Variants in TLE4 observed in about 807,000 individuals in gnomAD.
TLE4 encodes TLE family member 4, transcriptional corepressor, also known as transducin-like enhancer protein 4.
TLE4 carries 8 observed loss-of-function variants against 92.8 expected under a neutral mutation model. That is an observed-to-expected ratio of 0.09 (90% CI 0.05 to 0.16). The LOEUF (loss-of-function observed/expected upper bound fraction) is 0.16. Among genes scored for constraint, TLE4 ranks in the 10% least tolerant of loss-of-function variants. The pLI, the probability that TLE4 is intolerant of heterozygous loss-of-function variation, is 1.00. For missense variants in TLE4, 675 were observed against 997.6 expected, an observed-to-expected ratio of 0.68 and a Z score of 4.36; for synonymous variants, 371 against 374.1, an observed-to-expected ratio of 0.99 and a Z score of 0.10.
At chr9:79,676,818 T>C (rs2063342789) in intron 8 of TLE4, among the ~76,000 whole-genome samples, 2 of 152,176 alleles carry the variant, frequency 1.3e-5, no homozygotes, top group Non-Finnish European at 2.9e-5. Flanking sequence ...CAGAGCTTTA[T>C]TATTTTAAAA....
At chr9:79,656,882 C>A (rs570450597) in intron 8 of TLE4, among the ~76,000 whole-genome samples, 3 of 152,214 alleles carry the variant, frequency 2.0e-5, no homozygotes, top group African/African-American at 7.2e-5. Context: ...ACATGTTGGG[C>A]CTTTTTTTTC....
intron 5 of TLE4, among the ~76,000 whole-genome samples, chr9:79,620,077 C>T (rs566800187): frequency 6.6e-6 from 1 of 152,166 alleles, no homozygotes; most frequent in South Asian, 2.1e-4. Context: ...AAATGTGGGT[C>T]TCTATCCAAA....
chr9:79,703,936 T>G (rs1400159863), intron 8 of TLE4, among the ~76,000 whole-genome samples: 1 of 151,786 alleles, frequency 6.6e-6, no homozygotes, highest in Non-Finnish European at 1.5e-5. Context: ...TTTCCCCCCT[T>G]TTTTTTTCAT....
intron 4 of TLE4, among the ~76,000 whole-genome samples, chr9:79,595,621 T>C (rs1031949593): frequency 2.0e-5 from 3 of 151,976 alleles, no homozygotes; most frequent in African/African-American, 7.3e-5. Flanking sequence ...AAAAAGTAAA[T>C]TTAAAGGCAA....
chr9:79,581,437 CT>C (rs1422192603), intron 4 of TLE4, among the ~76,000 whole-genome samples: 1 of 152,112 alleles, frequency 6.6e-6, no homozygotes, highest in African/African-American at 2.4e-5. Context: ...ATGATGGATT[CT>C]TTTGTCTTTC....
chr9:79,708,289 G>A (rs767842683), intron 12 of TLE4, 39 bp downstream of exon 12: 10 of 1,604,134 alleles, frequency 6.2e-6, no homozygotes, highest in Admixed American at 1.7e-5. Flanking sequence ...TTTTATGCTC[G>A]TTTTTAAGAA....
Position 79,654,227 on chromosome 9 carries a change from T to TGTTTTTCAGG in TLE4, c.609+152_609+153insGTTTTTCAGG, listed in dbSNP as rs2059433356. 4.2e-6 allele frequency: 3 copies of TGTTTTTCAGG among 719,346 alleles called. No homozygotes were observed. In the Admixed American group the frequency reaches 1.1e-4, roughly 26 times the overall value. The allele number at this position is 719,346 out of a possible 1,614,324, so 44.6% of individuals were successfully genotyped here. A position where few individuals can be genotyped will look rare whatever the true frequency, so the allele number is the denominator to read the frequency against. ...TTTAAAATTACTTTCAGGTGTGTGG[T>TGTTTTTCAGG]TGATTTTTTTTTTTTTTTTTTAAAG... On this transcript the variant is annotated intron_variant, in intron 8 of 19. Coordinates refer to ENST00000376552, the MANE Select transcript of TLE4 (RefSeq NM_007005.6).
chr9:79,576,088 G>A (rs759721529), intron 3 of TLE4, 45 bp from the exon 4 acceptor site: 1 of 1,375,102 alleles, frequency 7.3e-7, no homozygotes, highest in South Asian at 1.7e-5. Context: ...TAGGGAGATT[G>A]TTTGATGAAA....
intron 8 of TLE4, among the ~76,000 whole-genome samples, chr9:79,683,290 G>A (rs976981028): frequency 7.2e-4 from 109 of 152,274 alleles, no homozygotes; most frequent in African/African-American, 2.5e-3. Flanking sequence ...AGGGCTCATA[G>A]TTACTTTTTT....
rs539325094 is a variant in TLE4 at position 79,687,868 on chromosome 9, G to A, written c.610-16915G>A. 3.3e-5 allele frequency among the ~76,000 whole-genome samples: 5 copies of A among 152,334 alleles called. No individual in the cohort carries two copies. In the South Asian group the frequency reaches 1.0e-3, roughly 32 times the overall value. ...TGTTCAAAGTGAAGAGGTTGAGGTA[G>A]ACAAGTGCTTCTCAAACTTTTAATG... On this transcript the variant is annotated intron_variant, in intron 8 of 19. Coordinates refer to ENST00000376552, the MANE Select transcript of TLE4 (RefSeq NM_007005.6).
intron 19 of TLE4, 141 bp from the exon 20 acceptor site, chr9:79,724,896 C>A: frequency 8.0e-6 from 3 of 373,976 alleles, no homozygotes; most frequent in East Asian, 1.7e-4. Flanking sequence ...CAGTACTGTC[C>A]ATGACCACCT....
At chr9:79,665,967 C>A (rs570265381) in intron 8 of TLE4, among the ~76,000 whole-genome samples, 45 of 152,236 alleles carry the variant, frequency 3.0e-4, no homozygotes, top group African/African-American at 1.1e-3. Flanking sequence ...AAGTAAAATT[C>A]TCAAATTTTA....
intron 5 of TLE4, among the ~76,000 whole-genome samples, chr9:79,621,862 T>C (rs944251532): frequency 4.6e-5 from 7 of 152,242 alleles, no homozygotes; most frequent in Non-Finnish European, 1.0e-4. Context: ...ATGTGGCTAA[T>C]GGCTTCTATT....
At chr9:79,631,678 A>G (rs12376461) in intron 6 of TLE4, among the ~76,000 whole-genome samples, 2,386 of 116,530 alleles carry the variant, frequency 0.02, 42 homozygotes, top group Admixed American at 0.045. Context: ...TACATTGACA[A>G]CGTGGTAAGA....
chr9:79,724,102 C>T (rs1410060590), intron 19 of TLE4, among the ~76,000 whole-genome samples: 1 of 151,736 alleles, frequency 6.6e-6, no homozygotes, highest in Non-Finnish European at 1.5e-5. Context: ...CCTCTCCCCT[C>T]TCGCAAATTT....
intron 8 of TLE4, chr9:79,663,307 A>G (rs2060847987): frequency 6.6e-6 from 1 of 152,236 alleles, no homozygotes; most frequent in Admixed American, 6.5e-5. Flanking sequence ...TGCCCTGTCC[A>G]ATATGGTGTA....
chr9:79,635,416 T>C (rs1178129907), intron 6 of TLE4, among the ~76,000 whole-genome samples: 3 of 152,076 alleles, frequency 2.0e-5, no homozygotes, highest in Non-Finnish European at 4.4e-5. Context: ...TTAGGCTTTT[T>C]TTTTCCTTTA....
intron 6 of TLE4, among the ~76,000 whole-genome samples, chr9:79,631,672 T>C (rs910994334): frequency 1.6e-5 from 2 of 124,694 alleles, no homozygotes; most frequent in Non-Finnish European, 3.6e-5. Flanking sequence ...GTTTTCTACA[T>C]TGACAACGTG....
intron 4 of TLE4, among the ~76,000 whole-genome samples, chr9:79,594,089 A>G (rs968002396): frequency 1.3e-5 from 2 of 152,148 alleles, no homozygotes; most frequent in Non-Finnish European, 2.9e-5. Flanking sequence ...AGGCATCAGT[A>G]TTTTTCTAAA....
Sources: allele counts gnomAD v4.1 joint callset (sites outside exome capture counted in the v4.1 genomes callset), GRCh38; gene constraint gnomAD v4.1.1; transcripts MANE v1.5; gene names NCBI Gene and HGNC (gene_info 2026-07-23, HGNC 2026-07-21).